DOCK1: variants seen among roughly 807,000 people sequenced by gnomAD.
DOCK1 encodes the protein dedicator of cytokinesis protein 1.
In DOCK1, 138 loss-of-function variants were observed where a neutral mutation model predicts 262.7. The ratio of observed to expected loss-of-function variants is 0.53; its 90% CI spans 0.46 to 0.61. The LOEUF is 0.61. Among genes scored for constraint, DOCK1 ranks in the 20% least tolerant of loss-of-function variants. DOCK1 has a pLI of 0.00. For missense variants in DOCK1, 1,908 were observed against 2,370.7 expected, an observed-to-expected ratio of 0.80 and a Z score of 4.05; for synonymous variants, 866 against 867.4, an observed-to-expected ratio of 1.00 and a Z score of 0.03.
At chr10:127,164,094 G>A (rs2053844831) in intron 27 of DOCK1, among the ~76,000 whole-genome samples, 1 of 150,998 alleles carries the variant, frequency 6.6e-6, no homozygotes, top group Admixed American at 6.6e-5. Context: ...GGGGACGCAG[G>A]GGTCAGCCGG....
At chr10:127,265,017 G>A (rs1241596601) in intron 29 of DOCK1, among the ~76,000 whole-genome samples, 1 of 152,138 alleles carries the variant, frequency 6.6e-6, no homozygotes, top group Admixed American at 6.5e-5. Flanking sequence ...AAGATCATAG[G>A]GAAGGAATCA....
At chr10:126,962,264 A>G (rs1241214120) in intron 1 of DOCK1, among the ~76,000 whole-genome samples, 11 of 152,010 alleles carry the variant, frequency 7.2e-5, no homozygotes, top group Admixed American at 3.9e-4. Context: ...GGTTCGAACA[A>G]TTCTCCTGCT....
chr10:126,915,683 C>A (rs1564980105), intron 1 of DOCK1, among the ~76,000 whole-genome samples: 1 of 152,206 alleles, frequency 6.6e-6, no homozygotes, highest in Non-Finnish European at 1.5e-5. Flanking sequence ...GATCTCCTGA[C>A]CTCGTGATCT....
chr10:127,429,088 G>GTGCCGTGTGGATTGGGA (rs1247748969), intron 47 of DOCK1, among the ~76,000 whole-genome samples: 60 of 151,118 alleles, frequency 4.0e-4, no homozygotes, highest in African/African-American at 1.1e-3. Flanking sequence ...GTGGATTGGG[G>GTGCCGTGTGGATTGGGA]TGCCGTGTGG....
chr10:127,249,555 T>C (rs1251876995), intron 28 of DOCK1, among the ~76,000 whole-genome samples: 1 of 152,162 alleles, frequency 6.6e-6, no homozygotes, highest in Non-Finnish European at 1.5e-5. Flanking sequence ...TACTTAAACC[T>C]GGATGGTGGA....
intron 39 of DOCK1, 70 bp downstream of exon 39, chr10:127,403,214 T>C (rs1044061951): frequency 1.4e-6 from 2 of 1,476,528 alleles, no homozygotes; most frequent in African/African-American, 2.8e-5. Flanking sequence ...AATCTCTCTT[T>C]CCATGTCAAT....
At chr10:127,081,716 T>C (rs997587185) in intron 23 of DOCK1, among the ~76,000 whole-genome samples, 1 of 152,204 alleles carries the variant, frequency 6.6e-6, no homozygotes, top group South Asian at 2.1e-4. Context: ...AGGCAGTCTC[T>C]TTATTTCTTC....
chr10:127,307,285 A>G (rs1205537324), intron 29 of DOCK1, among the ~76,000 whole-genome samples: 1 of 152,156 alleles, frequency 6.6e-6, no homozygotes, highest in Non-Finnish European at 1.5e-5. Flanking sequence ...GGCTGGCCTC[A>G]TCAAGTGAAA....
At chr10:127,439,487 G>T (rs2069931701) in intron 49 of DOCK1, among the ~76,000 whole-genome samples, 1 of 152,042 alleles carries the variant, frequency 6.6e-6, no homozygotes, top group Non-Finnish European at 1.5e-5. Flanking sequence ...CTGCTGCTAG[G>T]CTCTGCCGCT....
intron 47 of DOCK1, among the ~76,000 whole-genome samples, chr10:127,430,023 T>A (rs544193033): frequency 2.6e-5 from 4 of 152,298 alleles, no homozygotes; most frequent in Non-Finnish European, 5.9e-5. Flanking sequence ...CCAAACACCA[T>A]GGAGAGCCAT....
chr10:126,993,517 G>C (rs1290175223), intron 6 of DOCK1, among the ~76,000 whole-genome samples: 1 of 152,232 alleles, frequency 6.6e-6, no homozygotes, highest in Admixed American at 6.5e-5. Flanking sequence ...AGGATAAGGA[G>C]TAGTATTTGG....
At chr10:127,137,268 G>A (rs2050781616) in intron 27 of DOCK1, 1 of 152,606 alleles carries the variant, frequency 6.6e-6, no homozygotes, top group South Asian at 2.1e-4. Flanking sequence ...AGCACATGAA[G>A]GCAAATATAC....
chr10:126,964,280 C>T (rs2037495691), intron 1 of DOCK1, among the ~76,000 whole-genome samples: 4 of 152,224 alleles, frequency 2.6e-5, no homozygotes, highest in Non-Finnish European at 5.9e-5. Context: ...CTGATTTCCT[C>T]TCTGGGGTTA....
chr10:127,442,572 G>T (rs1214668828), intron 49 of DOCK1, among the ~76,000 whole-genome samples: 1 of 152,110 alleles, frequency 6.6e-6, no homozygotes, highest in East Asian at 1.9e-4. Context: ...CTTAGGTGGG[G>T]GAAAGTCAAG....
chr10:127,098,704 C>A (rs899853994), intron 23 of DOCK1, among the ~76,000 whole-genome samples: 8 of 152,096 alleles, frequency 5.3e-5, no homozygotes, highest in African/African-American at 1.9e-4. Flanking sequence ...TGGTTAGGGT[C>A]CCCCACATGC....
chr10:127,003,539 C>G (rs1221983173), intron 10 of DOCK1, among the ~76,000 whole-genome samples: 1 of 152,166 alleles, frequency 6.6e-6, no homozygotes, highest in Non-Finnish European at 1.5e-5. Flanking sequence ...CCACTACATG[C>G]CCTGGGTGGG....
chr10:127,423,379 C>A (rs550510532), intron 46 of DOCK1, among the ~76,000 whole-genome samples: 3 of 152,296 alleles, frequency 2.0e-5, no homozygotes, highest in Non-Finnish European at 1.5e-5. Flanking sequence ...AAGTCCCAGG[C>A]AGCTCCTCCT....
chr10:127,278,498 A>G (rs2060827764), intron 29 of DOCK1, among the ~76,000 whole-genome samples: 1 of 152,136 alleles, frequency 6.6e-6, no homozygotes, highest in African/African-American at 2.4e-5. Context: ...TCTCTCATCC[A>G]ATCTGAGAGA....
chr10:127,419,867 G>T, intron 46 of DOCK1, 118 bp downstream of exon 46: 2 of 1,088,420 alleles, frequency 1.8e-6, no homozygotes, highest in Non-Finnish European at 2.7e-6. Flanking sequence ...GATGCACGTG[G>T]CTGTGATTGT....
Sources: gnomAD v4.1 joint callset for allele counts (sites outside exome capture counted in the v4.1 genomes callset) on GRCh38, gnomAD v4.1.1 for gene constraint, MANE v1.5 for transcripts, NCBI Gene and HGNC (gene_info 2026-07-23, HGNC 2026-07-21) for gene names.